Variants in SCAMP4 observed in about 807,000 individuals in gnomAD.
The protein encoded by SCAMP4 is secretory carrier membrane protein 4.
A neutral mutation model predicts 32.1 loss-of-function variants in SCAMP4; 19 were observed. The observed-to-expected ratio is 0.59, with a 90% CI of 0.41 to 0.87. The LOEUF (loss-of-function observed/expected upper bound fraction) is 0.87. Ranked by LOEUF, SCAMP4 falls within the 40% of genes least tolerant of loss-of-function variation. The pLI is 0.00. For missense variants in SCAMP4, 302 were observed against 309.0 expected (o/e 0.98, Z 0.17); for synonymous variants, 152 against 132.7 (o/e 1.15, Z -1.00).
chr19:1,912,348 G>A (rs761158668), intron 1 of SCAMP4: 6 of 1,532,364 alleles, frequency 3.9e-6, no homozygotes, highest in Non-Finnish European at 3.5e-6. Context: ...CCGCGATGCC[G>A]GCAGCCCCCA....
At chr19:1,921,242 GGC>G in intron 5 of SCAMP4, 1 of 985,240 alleles carries the variant, frequency 1.0e-6, no homozygotes, top group Non-Finnish European at 1.2e-6. Flanking sequence ...TGGGGCAAGA[GGC>G]GACAGCCCCG....
chr19:1,909,878 G>A (rs1267397877), intron 1 of SCAMP4, among the ~76,000 whole-genome samples: 1 of 152,246 alleles, frequency 6.6e-6, no homozygotes, highest in Non-Finnish European at 1.5e-5. Flanking sequence ...CACCAGGGGA[G>A]GGGCTGCGCT....
At chr19:1,916,012 G>A (rs2013722050) in intron 2 of SCAMP4, among the ~76,000 whole-genome samples, 1 of 149,940 alleles carries the variant, frequency 6.7e-6, no homozygotes, top group South Asian at 2.1e-4. Flanking sequence ...TTGGGAGGCC[G>A]AGGTGGGCAG....
intron 1 of SCAMP4, chr19:1,913,152 G>A: frequency 6.5e-7 from 1 of 1,538,896 alleles, no homozygotes; most frequent in Non-Finnish European, 8.7e-7. Flanking sequence ...CGACACGTAG[G>A]CGCCGCCCTC....
intron 6 of SCAMP4, 123 bp downstream of exon 6, chr19:1,923,310 C>T: frequency 1.3e-6 from 1 of 780,134 alleles, no homozygotes; most frequent in South Asian, 1.9e-5. Flanking sequence ...ACGCAGGCCG[C>T]ACTTCATCCC....
chr19:1,923,067 C>T lies in SCAMP4; in HGVS notation c.396-3C>T, dbSNP rs1278003436. The T allele has an allele frequency of 1.3e-6, 2 of 1,547,180 alleles. No homozygotes were observed. The highest frequency in any genetic ancestry group is 1.2e-5 in the South Asian group (1 of 83,350). ...CACCCACGCACTCTCTTGTCCCTTG[C>T]AGCGGCTGGCTGTCGGCAATTGGAT... On this transcript the variant is annotated splice_region_variant and splice_polypyrimidine_tract_variant and intron_variant, in intron 5 of 6. Transcript: ENST00000316097.
intron 1 of SCAMP4, chr19:1,913,190 C>T (rs2013592148): frequency 3.4e-6 from 5 of 1,469,774 alleles, no homozygotes; most frequent in South Asian, 2.8e-5. Context: ...CCGCTCCCGG[C>T]CGTGGGGCGC....
chr19:1,917,546 C>T (rs2013772702), intron 2 of SCAMP4, 148 bp from the exon 3 acceptor site: 2 of 806,004 alleles, frequency 2.5e-6, no homozygotes, highest in Admixed American at 4.9e-5. Flanking sequence ...CACGAGGACC[C>T]TCTCCTGTCT....
intron 2 of SCAMP4, among the ~76,000 whole-genome samples, chr19:1,916,237 CAAAAA>C (rs529074523): frequency 8.6e-6 from 1 of 115,956 alleles, no homozygotes; most frequent in African/African-American, 3.2e-5. Context: ...GACTGGATCT[CAAAAA>C]AAAAAAAAAG....
chr19:1,913,335 G>A (rs2013602375), intron 1 of SCAMP4: 6 of 911,664 alleles, frequency 6.6e-6, no homozygotes, highest in Non-Finnish European at 9.7e-6. Flanking sequence ...CGGTCATTGG[G>A]GCCACCCCGT....
intron 5 of SCAMP4, 190 bp downstream of exon 5, chr19:1,919,180 G>T: frequency 7.0e-7 from 1 of 1,426,672 alleles, no homozygotes; most frequent in Non-Finnish European, 9.1e-7. Flanking sequence ...CCAGCACCCA[G>T]CCATGGTTCG....
At chr19:1,911,726 T>C (rs575491038) in intron 1 of SCAMP4, among the ~76,000 whole-genome samples, 1 of 152,226 alleles carries the variant, frequency 6.6e-6, no homozygotes, top group East Asian at 1.9e-4. Context: ...GAGGTTGCAG[T>C]GAGCTGAGAT....
rs374987565 is a variant in SCAMP4 at position 1,918,953 on chromosome 19, G to T, written c.358G>T (p.Val120Phe). 6.2e-7 allele frequency: 1 copy of T among 1,612,142 alleles called. No individual in the cohort carries two copies. Among genetic ancestry groups the T allele is most frequent in the East Asian group, 2.2e-5 (1 of 44,850 alleles). ...CTTCGGAGCCCAGTTTGTCCTGACC[G>T]TCATCCAGGCGATTGGCTTCTCCGG... ...FIFGAQFVLT[V>F]IQAIGFSGWG... The change falls in exon 5 of 7, where the codon GTC becomes TTC. Residue 120 changes from valine (V) to phenylalanine (F), a missense_variant. Coordinates refer to ENST00000316097, the MANE Select transcript of SCAMP4 (RefSeq NM_079834.4).
chr19:1,917,739 A>G lies in SCAMP4; in HGVS notation c.53A>G (p.Lys18Arg), dbSNP rs1880906546. The change falls in exon 3 of 7, where the codon AAG becomes AGG. Residue 18 changes from lysine (K) to arginine (R), a missense_variant. Lys to Arg is a conservative substitution (Grantham distance 26). Transcript: ENST00000316097. Reference protein sequence around the residue: ...FPPLPKFIPVKPCFYQNFSDE... With the variant: ...FPPLPKFIPVRPCFYQNFSDE... Reference sequence around the variant, plus strand: ...CCACTGCCCAAGTTCATCCCTGTGAAGCCCTGCTTCTACCAGAACTTCTCC... The same window carrying G: ...CCACTGCCCAAGTTCATCCCTGTGAGGCCCTGCTTCTACCAGAACTTCTCC... 10 of 1,614,032 alleles carry G rather than the reference A, an allele frequency of 6.2e-6. No individual in the cohort carries two copies. The highest frequency in any genetic ancestry group is 8.5e-6 in the Non-Finnish European group (10 of 1,179,888).
At chr19:1,913,453 T>G (rs2013610034) in intron 1 of SCAMP4, 1 of 503,088 alleles carries the variant, frequency 2.0e-6, no homozygotes, top group Non-Finnish European at 3.7e-6. Flanking sequence ...ACCAAGTGGG[T>G]GTCTGTTAGG....
At chr19:1,919,883 C>T (rs933198045) in intron 5 of SCAMP4, among the ~76,000 whole-genome samples, 2 of 151,394 alleles carry the variant, frequency 1.3e-5, no homozygotes, top group Admixed American at 1.3e-4. Context: ...GATCTTGGCT[C>T]ACTGCAACCT....
chr19:1,914,762 C>A (rs1472331795), intron 1 of SCAMP4, among the ~76,000 whole-genome samples: 1 of 152,162 alleles, frequency 6.6e-6, no homozygotes, highest in Admixed American at 6.5e-5. Flanking sequence ...CCAGCCCTGC[C>A]CGTTTTGCCA....
At position 1,918,345 on chromosome 19, in the gene SCAMP4, A is replaced by C. The variant is rs1478176042; in HGVS notation, c.293+62A>C. ...GGAACCAGGGCCCACTCTGCACCCCAGTCCCAGCCCAGCTGTGAGGAGCTG... is the reference window on the plus strand; with the variant it reads ...GGAACCAGGGCCCACTCTGCACCCCCGTCCCAGCCCAGCTGTGAGGAGCTG... On this transcript the variant is annotated intron_variant, in intron 4 of 6. Coordinates refer to ENST00000316097, the MANE Select transcript of SCAMP4 (RefSeq NM_079834.4). 7.5e-6 allele frequency: 11 copies of C among 1,468,374 alleles called. No homozygotes were observed. In the Admixed American group the frequency reaches 2.5e-4, roughly 33 times the overall value. The allele number at this position is 1,468,374 out of a possible 1,614,324, so 91.0% of individuals were successfully genotyped here.
chr19:1,918,935 G>T lies in SCAMP4; in HGVS notation c.340G>T (p.Ala114Ser). The change falls in exon 5 of 7, where the codon GCC (alanine) becomes TCC (serine). Residue 114 changes from alanine to serine, a missense_variant. Ala to Ser is a moderately conservative substitution (Grantham distance 99). Transcript: ENST00000316097. ...CATGGCGTTTTTCTTCATCTTCGGA[G>T]CCCAGTTTGTCCTGACCGTCATCCA... ...NFMAFFFIFG[A>S]QFVLTVIQAI... 1 of 1,612,654 alleles carries T rather than the reference G, an allele frequency of 6.2e-7. No homozygotes were observed. The highest frequency in any genetic ancestry group is 2.2e-5 in the East Asian group (1 of 44,850).
Sources: gnomAD v4.1 joint callset for allele counts (sites outside exome capture counted in the v4.1 genomes callset) on GRCh38, gnomAD v4.1.1 for gene constraint, MANE v1.5 for transcripts, NCBI Gene and HGNC (gene_info 2026-07-23, HGNC 2026-07-21) for gene names.